Variants in DCTN2 observed in about 807,000 individuals in gnomAD.
DCTN2 encodes dynactin subunit 2.
DCTN2 carries 18 observed loss-of-function variants against 55.4 expected under a neutral mutation model. The observed-to-expected ratio is 0.32, with a 90% CI of 0.22 to 0.48. DCTN2 has a LOEUF of 0.48. DCTN2 is among the 20% of genes least tolerant of loss of function. DCTN2 has a pLI of 0.99. For synonymous variants in DCTN2, 168 were observed against 185.2 expected, an observed-to-expected ratio of 0.91 and a Z score of 0.76; for missense variants, 390 against 491.0, an observed-to-expected ratio of 0.79 and a Z score of 1.94.
intron 2 of DCTN2, chr12:57,541,459 G>T: frequency 7.3e-7 from 1 of 1,367,984 alleles, no homozygotes; most frequent in South Asian, 1.2e-5. Flanking sequence ...AACAGTCAAT[G>T]AACACAATCA....
Position 57,546,094 on chromosome 12 carries a change from G to A in DCTN2, c.39C>T (p.Ala13=), listed in dbSNP as rs749575621. 7 of 1,613,700 alleles carry A rather than the reference G, an allele frequency of 4.3e-6. No individual in the cohort carries two copies. The highest frequency in any genetic ancestry group is 5.9e-6 in the Non-Finnish European group (7 of 1,179,840). ...TTTCATAAACATCTGGCTCATTCCTGGCCTGCAGGTAGAAGCAGTGACCAC... is the reference window on the plus strand; with the variant it reads ...TTTCATAAACATCTGGCTCATTCCTAGCCTGCAGGTAGAAGCAGTGACCAC... ...DPKYADLPGI[A]RNEPDVYETS... Residue 13 remains alanine (A), a splice_region_variant and synonymous_variant, in exon 2 of 14, where the codon GCC becomes GCT. Coordinates refer to ENST00000548249, the MANE Select transcript of DCTN2 (RefSeq NM_001261413.2).
chr12:57,538,266 C>A, intron 2 of DCTN2: 1 of 590,242 alleles, frequency 1.7e-6, no homozygotes, highest in Admixed American at 2.2e-5. Flanking sequence ...GCGCTGGCAT[C>A]CTCTGGAGCC....
intron 7 of DCTN2, among the ~76,000 whole-genome samples, 190 bp from the exon 8 acceptor site, chr12:57,533,493 C>T (rs1045991508): frequency 7.2e-5 from 11 of 152,218 alleles, no homozygotes; most frequent in South Asian, 2.1e-4. Context: ...AGAATGAGGT[C>T]GGGCGCGGTG....
chr12:57,541,308 C>T, intron 2 of DCTN2: 1 of 1,588,124 alleles, frequency 6.3e-7, no homozygotes, highest in Non-Finnish European at 8.5e-7. Flanking sequence ...CAGAGCATTG[C>T]ATGCGAGATG....
At chr12:57,538,493 A>T in intron 2 of DCTN2, 1 of 761,362 alleles carries the variant, frequency 1.3e-6, no homozygotes. Flanking sequence ...CCCGTTAAAA[A>T]GCAGATGAAA....
intron 12 of DCTN2, 40 bp from the exon 13 acceptor site, chr12:57,532,146 A>C: frequency 6.4e-7 from 1 of 1,552,706 alleles, no homozygotes; most frequent in Non-Finnish European, 8.7e-7. Flanking sequence ...AATCCAAGAT[A>C]AGGGAGGGGA....
At chr12:57,536,115 C>T (rs2140124731) in intron 2 of DCTN2, 1 of 444,604 alleles carries the variant, frequency 2.2e-6, no homozygotes, top group East Asian at 3.5e-5. Context: ...GTACATAAGC[C>T]TTCCCATCCC....
intron 1 of DCTN2, among the ~76,000 whole-genome samples, chr12:57,546,713 G>C (rs1881193200): frequency 6.6e-6 from 1 of 152,134 alleles, no homozygotes; most frequent in Non-Finnish European, 1.5e-5. Context: ...CTTATGGAGA[G>C]ATTTGGGGGG....
intron 3 of DCTN2, 64 bp from the exon 4 acceptor site, chr12:57,535,609 T>G: frequency 6.3e-7 from 1 of 1,583,680 alleles, no homozygotes; most frequent in Non-Finnish European, 8.7e-7. Context: ...TGGTCTCAGG[T>G]GACTGTGAGG....
chr12:57,531,604 AG>A (rs1347787906), intron 13 of DCTN2, among the ~76,000 whole-genome samples: 3 of 152,228 alleles, frequency 2.0e-5, no homozygotes, highest in African/African-American at 7.2e-5. Context: ...CTCATTGTCC[AG>A]GGCCAGAAAG....
chr12:57,544,968 G>A (rs1881025106), intron 2 of DCTN2, among the ~76,000 whole-genome samples: 2 of 152,214 alleles, frequency 1.3e-5, no homozygotes, highest in African/African-American at 4.8e-5. Flanking sequence ...AAGGGACAGA[G>A]AAGGTGTTTC....
At chr12:57,538,623 T>C (rs1880445018) in intron 2 of DCTN2, 2 of 696,374 alleles carry the variant, frequency 2.9e-6, no homozygotes. Flanking sequence ...AAATTGTTAT[T>C]AGCAAATTGT....
intron 7 of DCTN2, 80 bp downstream of exon 7, chr12:57,533,873 C>T: frequency 6.9e-7 from 1 of 1,455,508 alleles, no homozygotes; most frequent in South Asian, 1.4e-5. Context: ...TCCCAGCACC[C>T]TCTCCTTGGA....
chr12:57,530,708 A>G lies in DCTN2; in HGVS notation c.1187T>C (p.Met396Thr). The G allele has an allele frequency of 1.9e-6, 3 of 1,613,890 alleles. No individual in the cohort carries two copies. The highest frequency in any genetic ancestry group is 2.2e-5 in the South Asian group (2 of 91,078). The change falls in exon 14 of 14, where the codon ATG becomes ACG. Residue 396 changes from methionine (M) to threonine (T), a missense_variant. Coordinates refer to ENST00000548249, the MANE Select transcript of DCTN2 (RefSeq NM_001261413.2). ...ATGTGCTCACTTTCCCAGCTTCTTC[A>G]TCCGTTCATCAATGCTGGCAAAGTT... ...EGNFASIDER[M>T]KKLGK is the part of the protein sequence containing the mutation.
intron 2 of DCTN2, among the ~76,000 whole-genome samples, chr12:57,540,470 C>T (rs1188528088): frequency 6.6e-6 from 1 of 152,206 alleles, no homozygotes; most frequent in Non-Finnish European, 1.5e-5. Flanking sequence ...TGGAAGATTT[C>T]AAGTGCCCTG....
intron 2 of DCTN2, chr12:57,536,072 G>C (rs1394273219): frequency 5.4e-6 from 3 of 557,072 alleles, no homozygotes; most frequent in Non-Finnish European, 9.6e-6. Context: ...ATTCAACTGG[G>C]AGCAGAGGGA....
chr12:57,532,720 C>A lies in DCTN2; in HGVS notation c.852+13G>T. On this transcript the variant is annotated intron_variant, in intron 10 of 13. Coordinates refer to ENST00000548249, the MANE Select transcript of DCTN2 (RefSeq NM_001261413.2). ...CAAGCTATCCATAATTTAATTTTCC[C>A]TCCATTTAATACCTGTAGCCGAGCC... The A allele has an allele frequency of 6.2e-7, 1 of 1,613,890 alleles. No individual in the cohort carries two copies. Among genetic ancestry groups the A allele is most frequent in the Non-Finnish European group, 8.5e-7 (1 of 1,179,862 alleles).
chr12:57,538,578 G>A lies in DCTN2; in HGVS notation c.106-2733C>T, dbSNP rs889873454. 6 of 739,414 alleles carry A rather than the reference G, an allele frequency of 8.1e-6. No homozygotes were observed. In the East Asian group the frequency reaches 9.9e-5, roughly 12 times the overall value. The allele number at this position is 739,414 out of a possible 1,614,324, so 45.8% of individuals were successfully genotyped here. ...CAAAAGAGTTAAAAGGAAAGGGAGT[G>A]GGGGAATGGGGATGAGGGAGGGAAA... On this transcript the variant is annotated intron_variant, in intron 2 of 13. Coordinates refer to ENST00000548249, the MANE Select transcript of DCTN2 (RefSeq NM_001261413.2).
intron 2 of DCTN2, chr12:57,542,860 C>T (rs935196519): frequency 3.9e-5 from 18 of 455,838 alleles, no homozygotes; most frequent in Admixed American, 2.6e-4. Context: ...AAAGGTTCCA[C>T]AAGAGTCTAT....
Sources: allele counts gnomAD v4.1 joint callset (sites outside exome capture counted in the v4.1 genomes callset), GRCh38; gene constraint gnomAD v4.1.1; transcripts MANE v1.5; gene names NCBI Gene and HGNC (gene_info 2026-07-23, HGNC 2026-07-21).